Variants in TANC1 observed in about 807,000 individuals in gnomAD.
TANC1 encodes tetratricopeptide repeat, ankyrin repeat and coiled-coil containing 1, also known as protein TANC1.
A neutral mutation model predicts 149.7 loss-of-function variants in TANC1; 77 were observed. That is an observed-to-expected ratio of 0.51 (90% CI 0.43 to 0.62). The LOEUF (loss-of-function observed/expected upper bound fraction) is 0.62, where lower values mean the gene tolerates loss of function less well. Among genes scored for constraint, TANC1 ranks in the 20% least tolerant of loss-of-function variants. The probability of loss-of-function intolerance (pLI) is 0.00; values close to 1 mark genes in which losing one functional copy is unlikely to be tolerated. For missense variants in TANC1, 1,985 were observed against 2,321.8 expected (o/e 0.85, Z 2.98); for synonymous variants, 854 against 925.0 (o/e 0.92, Z 1.39).
intron 19 of TANC1, among the ~76,000 whole-genome samples, chr2:159,206,341 C>T (rs1364380932): frequency 1.3e-5 from 2 of 152,262 alleles, no homozygotes; most frequent in South Asian, 2.1e-4. Flanking sequence ...TTGTCCATAC[C>T]CTATCCTCCT....
intron 1 of TANC1, among the ~76,000 whole-genome samples, chr2:158,988,140 T>C (rs1016860844): frequency 1.3e-5 from 2 of 151,666 alleles, no homozygotes; most frequent in African/African-American, 4.8e-5. Flanking sequence ...CTGGCCAACA[T>C]GGTGAAACCC....
chr2:159,048,674 A>G (rs1425189868), intron 2 of TANC1, among the ~76,000 whole-genome samples: 1 of 152,238 alleles, frequency 6.6e-6, no homozygotes, highest in East Asian at 1.9e-4. Flanking sequence ...GACCTTGTTT[A>G]TAGCACATAT....
chr2:159,131,232 A>T (rs987822766), intron 4 of TANC1, among the ~76,000 whole-genome samples: 6 of 151,998 alleles, frequency 3.9e-5, no homozygotes, highest in Non-Finnish European at 7.4e-5. Flanking sequence ...TTACAAGTTT[A>T]AAAAAAACAT....
chr2:159,076,600 A>G (rs1435700546), intron 3 of TANC1, among the ~76,000 whole-genome samples: 1 of 152,244 alleles, frequency 6.6e-6, no homozygotes, highest in African/African-American at 2.4e-5. Context: ...TCATAAGTGC[A>G]AACTTCTATC....
chr2:158,979,010 G>A (rs545627778), intron 1 of TANC1, among the ~76,000 whole-genome samples: 2 of 152,274 alleles, frequency 1.3e-5, no homozygotes, highest in East Asian at 3.9e-4. Context: ...GAGTTTTTAA[G>A]TGTAATGAGT....
chr2:159,167,078 C>T (rs1483754315), intron 8 of TANC1, among the ~76,000 whole-genome samples: 4 of 152,118 alleles, frequency 2.6e-5, no homozygotes, highest in African/African-American at 7.2e-5. Flanking sequence ...ATTTTTAATC[C>T]TTTCAGTTGT....
chr2:159,026,671 A>C (rs898352439), intron 2 of TANC1, among the ~76,000 whole-genome samples: 5 of 152,058 alleles, frequency 3.3e-5, no homozygotes, highest in African/African-American at 1.2e-4. Flanking sequence ...TGAGCCTGGT[A>C]CATGCTGCTA....
chr2:159,156,461 T>A (rs2053451912), intron 7 of TANC1, among the ~76,000 whole-genome samples: 1 of 152,238 alleles, frequency 6.6e-6, no homozygotes, highest in South Asian at 2.1e-4. Flanking sequence ...AAGCATTTAT[T>A]GGCGCCTACT....
intron 2 of TANC1, among the ~76,000 whole-genome samples, chr2:159,054,072 G>A (rs749318851): frequency 1.7e-4 from 26 of 152,154 alleles, no homozygotes; most frequent in Non-Finnish European, 3.7e-4. Context: ...GGCCAAAGCC[G>A]ATTTATCTTT....
intron 4 of TANC1, among the ~76,000 whole-genome samples, chr2:159,117,204 A>G (rs1574776589): frequency 6.6e-6 from 1 of 152,234 alleles, no homozygotes; most frequent in Admixed American, 6.5e-5. Context: ...CTTAGTTACC[A>G]TTAAAGCTTG....
At chr2:158,991,994 C>T (rs907911582) in intron 1 of TANC1, among the ~76,000 whole-genome samples, 1 of 152,148 alleles carries the variant, frequency 6.6e-6, no homozygotes, top group Non-Finnish European at 1.5e-5. Context: ...TGTGCTCTCA[C>T]ATCAATTAAA....
intron 2 of TANC1, among the ~76,000 whole-genome samples, chr2:159,004,604 G>A (rs1475361436): frequency 6.6e-6 from 1 of 151,580 alleles, no homozygotes; most frequent in Non-Finnish European, 1.5e-5. Flanking sequence ...GGGTATTTTT[G>A]GTGTATGTAT....
intron 5 of TANC1, among the ~76,000 whole-genome samples, chr2:159,145,751 T>G (rs756310514): frequency 2.0e-5 from 3 of 152,236 alleles, no homozygotes; most frequent in Non-Finnish European, 2.9e-5. Flanking sequence ...CCTTTCACGC[T>G]ATGTAATACT....
chr2:159,208,352 GA>G lies in TANC1; in HGVS notation c.3245-9142del, dbSNP rs1171575480. Among the ~76,000 whole-genome samples the G allele has an allele frequency of 6.6e-5, 10 of 152,326 alleles. No individual in the cohort carries two copies. In the South Asian group the frequency reaches 1.2e-3, roughly 19 times the overall value. ...GGAGTCATAAGTGAAGGATGGAAAA[GA>G]AAGGAATTTTGATCACACACATGAA... On this transcript the variant is annotated intron_variant, in intron 19 of 26. Transcript: ENST00000263635.
At chr2:158,992,203 A>T (rs2035698728) in intron 1 of TANC1, among the ~76,000 whole-genome samples, 1 of 152,032 alleles carries the variant, frequency 6.6e-6, no homozygotes, top group African/African-American at 2.4e-5. Flanking sequence ...ATCTCTAGAA[A>T]AAATACAAAA....
At chr2:158,996,849 C>G (rs1299229675) in intron 1 of TANC1, among the ~76,000 whole-genome samples, 1 of 152,096 alleles carries the variant, frequency 6.6e-6, no homozygotes, top group Admixed American at 6.6e-5. Context: ...AGTAAATAGA[C>G]TTTAATTATT....
chr2:159,019,155 G>C (rs2038562322), intron 2 of TANC1, among the ~76,000 whole-genome samples: 1 of 152,174 alleles, frequency 6.6e-6, no homozygotes, highest in African/African-American at 2.4e-5. Context: ...AGCAGAGCCG[G>C]GATTGCAGGT....
intron 5 of TANC1, among the ~76,000 whole-genome samples, chr2:159,143,101 A>C (rs538152987): frequency 1.3e-5 from 2 of 151,660 alleles, no homozygotes; most frequent in Admixed American, 6.6e-5. Flanking sequence ...ACAAAAAAAA[A>C]CAAAAAACCA....
chr2:159,063,243 A>G (rs1173655974), intron 2 of TANC1, among the ~76,000 whole-genome samples: 1 of 152,188 alleles, frequency 6.6e-6, no homozygotes. Context: ...CAATGTGTCC[A>G]TTTCCAGAAT....
Sources: allele counts gnomAD v4.1 joint callset (sites outside exome capture counted in the v4.1 genomes callset), GRCh38; gene constraint gnomAD v4.1.1; transcripts MANE v1.5; gene names NCBI Gene and HGNC (gene_info 2026-07-23, HGNC 2026-07-21).